Variants in TECPR2 observed in about 807,000 individuals in gnomAD.
TECPR2 encodes tectonin beta-propeller repeat-containing protein 2.
Under a neutral mutation model 138.1 loss-of-function variants are expected in TECPR2, and 65 were observed. The ratio of observed to expected loss-of-function variants is 0.47; its 90% CI spans 0.39 to 0.58. The LOEUF is 0.58. Among genes scored for constraint, TECPR2 ranks in the 20% least tolerant of loss-of-function variants. TECPR2 has a pLI of 0.00. For missense variants in TECPR2, 1,553 were observed against 1,824.5 expected, an observed-to-expected ratio of 0.85 and a Z score of 2.71; for synonymous variants, 746 against 749.8, an observed-to-expected ratio of 0.99 and a Z score of 0.08.
intron 2 of TECPR2, among the ~76,000 whole-genome samples, chr14:102,401,568 A>C (rs551687216): frequency 3.1e-4 from 47 of 152,140 alleles, no homozygotes; most frequent in African/African-American, 1.1e-3. Context: ...TGACAAGGTC[A>C]GGAGATCGAG....
At chr14:102,470,970 C>T (rs748704788) in intron 17 of TECPR2, among the ~76,000 whole-genome samples, 18 of 152,118 alleles carry the variant, frequency 1.2e-4, no homozygotes, top group Admixed American at 3.9e-4. Context: ...AGGCATGCAC[C>T]GCCACACCCA....
At chr14:102,474,963 G>A (rs957803542) in intron 17 of TECPR2, among the ~76,000 whole-genome samples, 1 of 152,184 alleles carries the variant, frequency 6.6e-6, no homozygotes, top group African/African-American at 2.4e-5. Flanking sequence ...CTGGTCTCAG[G>A]GTAGTCAGTG....
intron 17 of TECPR2, among the ~76,000 whole-genome samples, chr14:102,469,521 A>C (rs1013796952): frequency 6.6e-6 from 1 of 152,124 alleles, no homozygotes; most frequent in Non-Finnish European, 1.5e-5. Context: ...CAATAGAGAT[A>C]ATTTTACTTC....
At chr14:102,462,838 C>A (rs1405890811) in intron 16 of TECPR2, among the ~76,000 whole-genome samples, 1 of 152,188 alleles carries the variant, frequency 6.6e-6, no homozygotes, top group Non-Finnish European at 1.5e-5. Context: ...CTACAATGTG[C>A]AGAGAACTCC....
chr14:102,456,251 T>A (rs1890274680), intron 16 of TECPR2, among the ~76,000 whole-genome samples: 1 of 152,238 alleles, frequency 6.6e-6, no homozygotes, highest in East Asian at 1.9e-4. Flanking sequence ...TGCCCCAGTT[T>A]GTGCCACAGG....
At chr14:102,497,749 C>T (rs1294145107) in intron 19 of TECPR2, 30 bp downstream of exon 19, 6 of 1,567,574 alleles carry the variant, frequency 3.8e-6, no homozygotes, top group Non-Finnish European at 5.2e-6. Context: ...GGGCTTAAGG[C>T]CCCTTGGGGT....
In TECPR2 at chr14:102,497,611, T is replaced by C; in HGVS notation, c.3973T>C (p.Trp1325Arg). 3 of 1,609,106 alleles carry C rather than the reference T, an allele frequency of 1.9e-6. No individual in the cohort carries two copies. Among genetic ancestry groups the C allele is most frequent in the Non-Finnish European group, 2.5e-6 (3 of 1,178,402 alleles). Residue 1325 changes from tryptophan (W) to arginine (R), a missense_variant, in exon 19 of 20, where the codon TGG becomes CGG. Transcript: ENST00000359520. ...GCTGGCGCTGAGCACCAGGACCGTG[T>C]GGGCCCGCTGTCCAAACGGAGACCT... is the stretch of plus-strand genomic sequence containing the variant. The part of the protein sequence containing the change: ...CQLALSTRTV[W>R]ARCPNGDLAR...
intron 1 of TECPR2, among the ~76,000 whole-genome samples, chr14:102,372,273 T>TTC (rs1205513285): frequency 6.6e-6 from 1 of 151,784 alleles, no homozygotes; most frequent in African/African-American, 2.4e-5. Flanking sequence ...TTCTTTTCTT[T>TTC]TTTTTTTTTG....
At chr14:102,396,540 A>G (rs1358293241) in intron 2 of TECPR2, among the ~76,000 whole-genome samples, 1 of 152,102 alleles carries the variant, frequency 6.6e-6, no homozygotes, top group Non-Finnish European at 1.5e-5. Context: ...GAAGGAGAGT[A>G]TTTGGGGAAA....
At chr14:102,497,767 G>A (rs545277691) in intron 19 of TECPR2, 48 bp downstream of exon 19, 2 of 1,538,428 alleles carry the variant, frequency 1.3e-6, no homozygotes, top group Non-Finnish European at 1.8e-6. Flanking sequence ...GGTTCCCAGG[G>A]CTCCTGTGGA....
chr14:102,453,729 GT>G (rs1024604032), intron 16 of TECPR2, among the ~76,000 whole-genome samples: 1 of 143,804 alleles, frequency 7.0e-6, no homozygotes, highest in African/African-American at 2.6e-5. Flanking sequence ...AGGCTTCCCA[GT>G]TTTTTTAACT....
intron 4 of TECPR2, among the ~76,000 whole-genome samples, chr14:102,409,131 CTG>C (rs755189615): frequency 6.6e-6 from 1 of 152,214 alleles, no homozygotes; most frequent in Non-Finnish European, 1.5e-5. Flanking sequence ...TGCTTTCAAA[CTG>C]TGCTTCTGCT....
intron 4 of TECPR2, among the ~76,000 whole-genome samples, chr14:102,411,698 TCAAAAAAAAAAAA>T (rs1888871688): frequency 1.0e-4 from 1 of 9,670 alleles, no homozygotes; most frequent in Non-Finnish European, 1.9e-4. Context: ...GCCATGTTGC[TCAAAAAAAAAAAA>T]AAAAAAAAAA....
intron 16 of TECPR2, among the ~76,000 whole-genome samples, chr14:102,464,311 C>T (rs192814511): frequency 3.2e-4 from 49 of 152,334 alleles, no homozygotes; most frequent in African/African-American, 1.0e-3. Flanking sequence ...AAAAACTCTT[C>T]CCATTTCCTT....
At chr14:102,435,275 A>G in intron 9 of TECPR2, 64 bp downstream of exon 9, 1 of 1,505,630 alleles carries the variant, frequency 6.6e-7, no homozygotes, top group South Asian at 1.3e-5. Context: ...ATAATTGTCA[A>G]GACTGATTAT....
At chr14:102,390,042 T>G (rs924127989) in intron 2 of TECPR2, among the ~76,000 whole-genome samples, 1 of 152,240 alleles carries the variant, frequency 6.6e-6, no homozygotes, top group Non-Finnish European at 1.5e-5. Context: ...TTCAAAATAT[T>G]TCAGATCAAT....
intron 17 of TECPR2, among the ~76,000 whole-genome samples, chr14:102,479,016 CAAAAA>C (rs34162369): frequency 6.9e-5 from 7 of 102,086 alleles, no homozygotes; most frequent in Admixed American, 1.1e-4. Context: ...GGCCCTGTCT[CAAAAA>C]AAAAAAAAAA....
chr14:102,417,739 A>C (rs979471755), intron 5 of TECPR2, among the ~76,000 whole-genome samples: 28 of 148,762 alleles, frequency 1.9e-4, no homozygotes, highest in Middle Eastern at 6.9e-3. Context: ...ACGGGAGTCC[A>C]GGGGAGCCGT....
At chr14:102,374,293 A>T (rs1377851318) in intron 1 of TECPR2, among the ~76,000 whole-genome samples, 1 of 152,208 alleles carries the variant, frequency 6.6e-6, no homozygotes, top group African/African-American at 2.4e-5. Flanking sequence ...AATGAACTAT[A>T]GAAATGATCC....
Sources: allele counts gnomAD v4.1 joint callset (sites outside exome capture counted in the v4.1 genomes callset), GRCh38; gene constraint gnomAD v4.1.1; transcripts MANE v1.5; gene names NCBI Gene and HGNC (gene_info 2026-07-23, HGNC 2026-07-21).